KIAA1671: variants seen among roughly 807,000 people sequenced by gnomAD.
KIAA1671 encodes the protein KIAA1671.
In KIAA1671, 52 loss-of-function variants were observed where a neutral mutation model predicts 131.2. That is an observed-to-expected ratio of 0.40 (90% CI 0.32 to 0.50). KIAA1671 has a LOEUF of 0.50. Ranked by LOEUF, KIAA1671 falls within the 20% of genes least tolerant of loss-of-function variation. The probability of loss-of-function intolerance (pLI) is 0.73; values close to 1 mark genes in which losing one functional copy is unlikely to be tolerated. For missense variants in KIAA1671, 2,360 were observed against 2,364.2 expected (o/e 1.00, Z 0.04); for synonymous variants, 1,003 against 961.6 (o/e 1.04, Z -0.80).
chr22:25,035,164 C>T (rs1262149292), intron 4 of KIAA1671, among the ~76,000 whole-genome samples: 1 of 151,658 alleles, frequency 6.6e-6, no homozygotes, highest in Non-Finnish European at 1.5e-5. Flanking sequence ...CCTGCCTCAG[C>T]CTCCTGAGTA....
At position 25,195,104 on chromosome 22, in the gene KIAA1671, G is replaced by A. The variant is rs892993686; in HGVS notation, c.*2703G>A. On this transcript the variant is annotated 3_prime_UTR_variant, in exon 13 of 13. Coordinates refer to ENST00000358431, the MANE Select transcript of KIAA1671 (RefSeq NM_001145206.2). ...CCTCAATCTAACCCTCCTCCCCTGG[G>A]GCTTTGGCTGTCCTCAATGAGAGTT... is the stretch of plus-strand genomic sequence containing the variant. 6.6e-6 allele frequency: 1 copy of A among 152,030 alleles called. No individual in the cohort carries two copies. Among genetic ancestry groups the A allele is most frequent in the African/African-American group, 2.4e-5 (1 of 41,364 alleles). The allele number at this position is 152,030 out of a possible 1,614,324, so 9.4% of individuals were successfully genotyped here. A position where few individuals can be genotyped will look rare whatever the true frequency, so the allele number is the denominator to read the frequency against.
At chr22:25,010,947 T>C (rs1252790949) in intron 1 of KIAA1671, 2 of 152,128 alleles carry the variant, frequency 1.3e-5, no homozygotes, top group East Asian at 3.9e-4. Flanking sequence ...TTGATCCAGG[T>C]AGGAAGGAGA....
intron 10 of KIAA1671, 129 bp downstream of exon 10, chr22:25,181,952 C>T (rs576747101): frequency 5.0e-5 from 48 of 954,830 alleles, no homozygotes; most frequent in South Asian, 5.0e-4. Flanking sequence ...CCGAGTTGGG[C>T]GGATCACGAG....
chr22:25,093,851 TCTCTC>T (rs1930261417), intron 6 of KIAA1671, among the ~76,000 whole-genome samples: 3 of 125,754 alleles, frequency 2.4e-5, no homozygotes, highest in African/African-American at 5.6e-5. Flanking sequence ...TCTCTCTCTC[TCTCTC>T]TCTCTCTCTC....
chr22:25,108,595 C>T (rs1931153566), intron 6 of KIAA1671, among the ~76,000 whole-genome samples: 2 of 152,308 alleles, frequency 1.3e-5, no homozygotes, highest in Middle Eastern at 3.4e-3. Context: ...GAAGTGCGAC[C>T]TAGCCCTGTG....
chr22:25,008,000 C>T (rs888017558), intron 1 of KIAA1671, among the ~76,000 whole-genome samples: 3 of 151,786 alleles, frequency 2.0e-5, no homozygotes, highest in African/African-American at 7.3e-5. Flanking sequence ...GCTCTCGAGA[C>T]CAGCCTGGCC....
intron 6 of KIAA1671, among the ~76,000 whole-genome samples, chr22:25,164,982 T>TGTGC (rs748041523): frequency 4.6e-5 from 4 of 87,420 alleles, no homozygotes; most frequent in African/African-American, 2.2e-4. Flanking sequence ...TGCAGGCGTG[T>TGTGC]GTGTGTGTGT....
chr22:24,960,159 AAAT>A (rs1415281004), intron 1 of KIAA1671, among the ~76,000 whole-genome samples: 3 of 151,474 alleles, frequency 2.0e-5, no homozygotes, highest in African/African-American at 4.9e-5. Flanking sequence ...ATAAATAAAT[AAAT>A]AAATAAAATA....
intron 1 of KIAA1671, among the ~76,000 whole-genome samples, chr22:25,007,201 G>A (rs1047591479): frequency 1.3e-5 from 2 of 152,022 alleles, no homozygotes; most frequent in African/African-American, 4.8e-5. Context: ...AGGTCTGCTA[G>A]TGTTAGCCAG....
At chr22:25,052,251 GT>G (rs1927572452) in intron 6 of KIAA1671, 1 of 152,348 alleles carries the variant, frequency 6.6e-6, no homozygotes, top group African/African-American at 2.4e-5. Flanking sequence ...TCAGCCCGGG[GT>G]TGGCCATCAG....
At chr22:25,094,893 G>A (rs760225869) in intron 6 of KIAA1671, among the ~76,000 whole-genome samples, 14 of 151,914 alleles carry the variant, frequency 9.2e-5, no homozygotes, top group Non-Finnish European at 8.8e-5. Flanking sequence ...TCTGATTCTC[G>A]CTGAGCATCA....
intron 6 of KIAA1671, among the ~76,000 whole-genome samples, chr22:25,088,383 A>G (rs1306932272): frequency 6.6e-6 from 1 of 152,228 alleles, no homozygotes; most frequent in Non-Finnish European, 1.5e-5. Context: ...CTGGGATTAC[A>G]GGCATGAGCC....
At chr22:25,048,537 C>T (rs985893983) in intron 5 of KIAA1671, among the ~76,000 whole-genome samples, 1 of 152,110 alleles carries the variant, frequency 6.6e-6, no homozygotes, top group Non-Finnish European at 1.5e-5. Context: ...TAAGCAGCTC[C>T]CTCCCATCTC....
intron 1 of KIAA1671, among the ~76,000 whole-genome samples, chr22:25,003,154 CAA>C (rs1271537559): frequency 2.0e-5 from 3 of 152,046 alleles, no homozygotes; most frequent in Non-Finnish European, 4.4e-5. Context: ...GTAAAGGAAT[CAA>C]GAGAGTGGGC....
chr22:25,038,997 A>C lies in KIAA1671; in HGVS notation c.1867A>C (p.Thr623Pro). 7.7e-6 allele frequency: 12 copies of C among 1,551,766 alleles called. No homozygotes were observed. Among genetic ancestry groups the C allele is most frequent in the Non-Finnish European group, 9.6e-6 (11 of 1,147,026 alleles). ...TVFEHHVERH[T>P]VADQSGRCLS... ...ATTTGAGCACCACGTGGAGAGACAC[A>C]CAGTGGCTGACCAGTCGGGACGTTG... The change falls in exon 5 of 13, where the codon ACA becomes CCA. Residue 623 changes from threonine (T) to proline (P), a missense_variant. Physicochemically the swap from Thr to Pro is conservative, Grantham distance 38 (BLOSUM62 -1). Coordinates refer to ENST00000358431, the MANE Select transcript of KIAA1671 (RefSeq NM_001145206.2).
intron 6 of KIAA1671, among the ~76,000 whole-genome samples, chr22:25,168,426 C>T (rs1025354602): frequency 4.9e-4 from 74 of 152,244 alleles, no homozygotes; most frequent in Non-Finnish European, 2.2e-4. Context: ...AGTGGTGGCT[C>T]ACGCCTGGAA....
At chr22:25,105,899 T>A (rs1247867140) in intron 6 of KIAA1671, among the ~76,000 whole-genome samples, 1 of 152,234 alleles carries the variant, frequency 6.6e-6, no homozygotes, top group East Asian at 1.9e-4. Flanking sequence ...CTGCCGTGGT[T>A]TTTCCATCAG....
intron 1 of KIAA1671, among the ~76,000 whole-genome samples, chr22:24,975,226 C>T (rs979560043): frequency 1.3e-5 from 2 of 152,090 alleles, no homozygotes; most frequent in African/African-American, 4.8e-5. Flanking sequence ...TTAGATCATA[C>T]AATATGTGAC....
intron 5 of KIAA1671, among the ~76,000 whole-genome samples, chr22:25,046,528 T>C (rs1927241124): frequency 2.4e-5 from 3 of 122,732 alleles, no homozygotes; most frequent in Admixed American, 2.3e-4. Flanking sequence ...AATTATTTAT[T>C]TTAGTTTTAA....
Sources: allele counts gnomAD v4.1 joint callset (sites outside exome capture counted in the v4.1 genomes callset), GRCh38; gene constraint gnomAD v4.1.1; transcripts MANE v1.5; gene names NCBI Gene and HGNC (gene_info 2026-07-23, HGNC 2026-07-21).